Variants in IBTK observed in about 807,000 individuals in gnomAD.
IBTK encodes inhibitor of Bruton tyrosine kinase.
A neutral mutation model predicts 154.9 loss-of-function variants in IBTK; 83 were observed. The ratio of observed to expected loss-of-function variants is 0.54; its 90% CI spans 0.45 to 0.64. IBTK has a LOEUF of 0.64. Ranked by LOEUF, IBTK falls within the 30% of genes least tolerant of loss-of-function variation. The pLI, the probability that IBTK is intolerant of heterozygous loss-of-function variation, is 0.00. For synonymous variants in IBTK, 515 were observed against 536.1 expected (o/e 0.96, Z 0.54); for missense variants, 1,332 against 1,584.6 (o/e 0.84, Z 2.71).
chr6:82,212,631 G>T (rs1486337698), intron 13 of IBTK, 76 bp downstream of exon 13: 2 of 881,444 alleles, frequency 2.3e-6, no homozygotes, highest in East Asian at 2.4e-5. Context: ...TTCATATGTG[G>T]GTAAGCAGAG....
In IBTK at chr6:82,220,719, TG is replaced by T. The variant is rs763665663; in HGVS notation, c.1125-7del. 14 of 1,515,292 alleles carry T rather than the reference TG, an allele frequency of 9.2e-6. No individual in the cohort carries two copies. The highest frequency in any genetic ancestry group is 5.3e-6 in the Non-Finnish European group (6 of 1,135,746). The allele number at this position is 1,515,292 out of a possible 1,614,324, so 93.9% of individuals were successfully genotyped here. A position where few individuals can be genotyped will look rare whatever the true frequency, so the allele number is the denominator to read the frequency against. ...CTTTTTTCAAGTTCAACTGTCTAGA[TG>T]AAAAAAAAAAAAATCCTAGATTAAT... On this transcript the variant is annotated splice_region_variant and splice_polypyrimidine_tract_variant and intron_variant, in intron 8 of 28. Transcript: ENST00000306270.
In IBTK at chr6:82,220,719, T is replaced by TAA; in HGVS notation, c.1125-7_1125-6insTT. The TAA allele has an allele frequency of 6.6e-7, 1 of 1,515,284 alleles. No homozygotes were observed. 93.9% of individuals were successfully genotyped at this position (1,515,284 alleles called of 1,614,324 possible). On this transcript the variant is annotated splice_region_variant and splice_polypyrimidine_tract_variant and intron_variant, in intron 8 of 28. Transcript: ENST00000306270. ...CTTTTTTCAAGTTCAACTGTCTAGA[T>TAA]GAAAAAAAAAAAAATCCTAGATTAA...
At chr6:82,180,804 C>G (rs1290119775) in intron 26 of IBTK, among the ~76,000 whole-genome samples, 1 of 152,298 alleles carries the variant, frequency 6.6e-6, no homozygotes, top group Middle Eastern at 3.4e-3. Flanking sequence ...TTCCTCAGGA[C>G]AGGTAAAGTG....
chr6:82,216,328 A>C, intron 10 of IBTK, 78 bp from the exon 11 acceptor site: 1 of 916,352 alleles, frequency 1.1e-6, no homozygotes, highest in Non-Finnish European at 1.6e-6. Flanking sequence ...AATGGAATAG[A>C]AAAGGAGTTA....
intron 8 of IBTK, among the ~76,000 whole-genome samples, chr6:82,222,992 T>C (rs569481030): frequency 6.6e-6 from 1 of 152,078 alleles, no homozygotes; most frequent in Non-Finnish European, 1.5e-5. Context: ...ATAACATGTT[T>C]TTTTAAAAAA....
At chr6:82,206,048 G>C (rs1036448235) in intron 16 of IBTK, 40 of 152,084 alleles carry the variant, frequency 2.6e-4, no homozygotes, top group African/African-American at 9.7e-4. Flanking sequence ...AACTTTTCCA[G>C]AATTCTGGAA....
At chr6:82,235,764 A>G (rs1276712511) in intron 2 of IBTK, among the ~76,000 whole-genome samples, 1 of 152,176 alleles carries the variant, frequency 6.6e-6, no homozygotes, top group African/African-American at 2.4e-5. Flanking sequence ...TCCCTTCAAT[A>G]TATTTTGTTT....
intron 1 of IBTK, 147 bp downstream of exon 1, chr6:82,247,415 T>C (rs957090456): frequency 7.6e-6 from 3 of 395,138 alleles, no homozygotes; most frequent in African/African-American, 6.2e-5. Context: ...CCCGGCAGCC[T>C]CGGGGCCACA....
chr6:82,209,000 T>A lies in IBTK; in HGVS notation c.2509+1814A>T, dbSNP rs571827242. ...ATGAAAAGATGTTCAACATCATTAG[T>A]CATTAGTGAAATACAAATCAAAACC... On this transcript the variant is annotated intron_variant, in intron 16 of 28. Coordinates refer to ENST00000306270, the MANE Select transcript of IBTK (RefSeq NM_015525.4). Among the ~76,000 whole-genome samples, 24 of 152,326 alleles carry A rather than the reference T, an allele frequency of 1.6e-4. No individual in the cohort carries two copies. The South Asian group carries it at 5.0e-3, about 32-fold the overall frequency.
rs374230188 is a variant in IBTK at position 82,212,733 on chromosome 6, A to T, written c.2265T>A (p.Asn755Lys). ...ATTTTTTCTGACTTAGCTTCAGTTT[A>T]TTACCAGTGTTCTTGGCAATAACAT... ...KINVIAKNTGNKLKLSQKKCS... is the reference protein window; with the variant it reads ...KINVIAKNTGKKLKLSQKKCS... Residue 755 changes from asparagine to lysine, a missense_variant, in exon 13 of 29, where the codon AAT becomes AAA. Asn to Lys is a moderately conservative substitution (Grantham distance 94). Coordinates refer to ENST00000306270, the MANE Select transcript of IBTK (RefSeq NM_015525.4). 5 of 1,596,110 alleles carry T rather than the reference A, an allele frequency of 3.1e-6. No individual in the cohort carries two copies. Among genetic ancestry groups the T allele is most frequent in the Non-Finnish European group, 4.3e-6 (5 of 1,164,084 alleles).
chr6:82,246,190 G>C (rs1467424197), intron 1 of IBTK, among the ~76,000 whole-genome samples: 2 of 152,032 alleles, frequency 1.3e-5, no homozygotes, highest in African/African-American at 4.8e-5. Context: ...GTAGTATAGT[G>C]TAGTAGAAAA....
At chr6:82,172,741 G>T in intron 27 of IBTK, 1 of 442,568 alleles carries the variant, frequency 2.3e-6, no homozygotes, top group Non-Finnish European at 4.0e-6. Context: ...ATTTTTTCCA[G>T]TGACCTACGA....
Position 82,214,420 on chromosome 6 carries a change from C to G in IBTK, c.2011G>C (p.Val671Leu), listed in dbSNP as rs1769787338. The part of the protein sequence containing the change: ...QGTLNSHLNK[V>L]NFHEDDNQKS... Reference sequence around the variant, plus strand: ...TGGTTATCATCTTCATGGAAATTCACTTTATTCAAATGAGAATTCAGAGTT... The same window carrying G: ...TGGTTATCATCTTCATGGAAATTCAGTTTATTCAAATGAGAATTCAGAGTT... The change falls in exon 12 of 29, where the codon GTG becomes CTG. Residue 671 changes from valine to leucine, a missense_variant. Val to Leu is a conservative substitution (Grantham distance 32). Transcript: ENST00000306270. The G allele has an allele frequency of 1.2e-6, 2 of 1,613,860 alleles. No individual in the cohort carries two copies. Among genetic ancestry groups the G allele is most frequent in the Non-Finnish European group, 1.7e-6 (2 of 1,179,934 alleles).
At chr6:82,202,007 T>C (rs889261239) in intron 18 of IBTK, among the ~76,000 whole-genome samples, 8 of 152,116 alleles carry the variant, frequency 5.3e-5, no homozygotes, top group Non-Finnish European at 8.8e-5. Flanking sequence ...ATTACAAGCA[T>C]AAGCCACCAC....
chr6:82,233,502 C>T (rs1262363240), intron 3 of IBTK, among the ~76,000 whole-genome samples: 1 of 152,046 alleles, frequency 6.6e-6, no homozygotes, highest in Non-Finnish European at 1.5e-5. Flanking sequence ...TTAGATTGTA[C>T]TTTTATATAG....
chr6:82,182,744 C>A (rs9294246), intron 25 of IBTK, among the ~76,000 whole-genome samples: 36,641 of 151,996 alleles, frequency 0.24, 4,463 homozygotes, highest in African/African-American at 0.28. Flanking sequence ...AAAATCTTGA[C>A]AGCAGCCATA....
intron 26 of IBTK, among the ~76,000 whole-genome samples, chr6:82,176,243 G>C (rs561306285): frequency 1.3e-5 from 2 of 151,890 alleles, no homozygotes; most frequent in African/African-American, 4.8e-5. Context: ...CACAAGCTCA[G>C]CTGGGCACAG....
chr6:82,243,752 C>T (rs2127831390), intron 1 of IBTK, among the ~76,000 whole-genome samples: 1 of 152,234 alleles, frequency 6.6e-6, no homozygotes, highest in Non-Finnish European at 1.5e-5. Context: ...CTCTAAAATC[C>T]CACCATGTTT....
rs1233500489 is a variant in IBTK at position 82,200,808 on chromosome 6, G to C, written c.2791-100C>G. On this transcript the variant is annotated intron_variant, in intron 19 of 28. Transcript: ENST00000306270. ...TGCACACGTGGCTCTTGCCATGTTG[G>C]CCAGGCTGTTTGGAACACCTGGCCC... 8 of 1,303,288 alleles carry C rather than the reference G, an allele frequency of 6.1e-6. No individual in the cohort carries two copies. In the East Asian group the frequency reaches 1.8e-4, roughly 30 times the overall value. 80.7% of individuals were successfully genotyped at this position (1,303,288 alleles called of 1,614,324 possible).
Sources: allele counts gnomAD v4.1 joint callset (sites outside exome capture counted in the v4.1 genomes callset), GRCh38; gene constraint gnomAD v4.1.1; transcripts MANE v1.5; gene names NCBI Gene and HGNC (gene_info 2026-07-23, HGNC 2026-07-21).